The following TRIM55 variants were observed in gnomAD, a reference collection of about 807,000 sequenced individuals.
TRIM55 encodes tripartite motif containing 55, also known as tripartite motif-containing protein 55.
TRIM55 carries 50 observed loss-of-function variants against 60.9 expected under a neutral mutation model. The ratio of observed to expected loss-of-function variants is 0.82; its 90% CI spans 0.65 to 1.04. The LOEUF (loss-of-function observed/expected upper bound fraction) is 1.04, where lower values mean the gene tolerates loss of function less well. Ranked by LOEUF, TRIM55 falls within the 50% of genes least tolerant of loss-of-function variation. The pLI is 0.00. For synonymous variants in TRIM55, 237 were observed against 238.1 expected (o/e 1.00, Z 0.04); for missense variants, 681 against 666.9 (o/e 1.02, Z -0.23).
the TRIM55 span, among the ~76,000 whole-genome samples, chr8:66,121,268 C>T: frequency 1.4e-4 from 22 of 152,226 alleles, 1 homozygote; most frequent in Admixed American, 1.0e-3. Flanking sequence ...TCTTAACATA[C>T]TCCAGCCCCA....
intron 4 of TRIM55, among the ~76,000 whole-genome samples, chr8:66,140,414 C>T (rs149148811): frequency 2.6e-5 from 4 of 152,204 alleles, no homozygotes; most frequent in Non-Finnish European, 4.4e-5. Context: ...GAATATGACT[C>T]ACATGAGCAT....
chr8:66,114,231 G>C, the TRIM55 span, among the ~76,000 whole-genome samples: 1 of 152,170 alleles, frequency 6.6e-6, no homozygotes, highest in Admixed American at 6.5e-5. Context: ...TAGCATGCGA[G>C]AGGTAGCGGG....
At chr8:66,152,674 C>G (rs376781843) in intron 8 of TRIM55, 47 bp downstream of exon 8, 21 of 1,581,194 alleles carry the variant, frequency 1.3e-5, no homozygotes, top group Non-Finnish European at 1.7e-5. Context: ...GGCGTGTCTC[C>G]TTATGGAATA....
At chr8:66,122,784 GA>G (rs957544031), upstream of TRIM55, among the ~76,000 whole-genome samples, 5 of 152,266 alleles carry the variant, frequency 3.3e-5, no homozygotes, top group Admixed American at 3.3e-4. Flanking sequence ...CACTAAAACA[GA>G]GATCTTAAGA....
At chr8:66,136,985 G>C in intron 3 of TRIM55, 110 bp from the exon 4 acceptor site, 1 of 815,168 alleles carries the variant, frequency 1.2e-6, no homozygotes, top group Non-Finnish European at 1.9e-6. Context: ...GTCCTTAGGG[G>C]TTGCATGGAT....
chr8:66,121,575 C>T, the TRIM55 span, among the ~76,000 whole-genome samples: 2 of 152,246 alleles, frequency 1.3e-5, no homozygotes, highest in Non-Finnish European at 2.9e-5. Flanking sequence ...CTGTAACGTG[C>T]TCTTGTAACA....
chr8:66,114,584 C>T, the TRIM55 span: 15 of 456,332 alleles, frequency 3.3e-5, no homozygotes, highest in South Asian at 2.3e-4. Flanking sequence ...GGCTAAGCTG[C>T]CCATAGTTCG....
At chr8:66,114,188 T>A in the TRIM55 span, among the ~76,000 whole-genome samples, 2 of 148,336 alleles carry the variant, frequency 1.3e-5, no homozygotes. Context: ...TGCCCAGCCG[T>A]GGGGGATTAG....
chr8:66,148,053 C>T (rs2128979267), intron 4 of TRIM55, among the ~76,000 whole-genome samples: 1 of 152,204 alleles, frequency 6.6e-6, no homozygotes, highest in African/African-American at 2.4e-5. Context: ...GCTGGATTCC[C>T]AAGAAGCTCT....
intron 4 of TRIM55, among the ~76,000 whole-genome samples, chr8:66,138,576 A>T (rs1809619709): frequency 6.6e-6 from 1 of 152,146 alleles, no homozygotes. Context: ...TTTTTAGTAG[A>T]GGTGGGCTCT....
Position 66,152,465 on chromosome 8 carries a change from G to A in TRIM55, c.1074G>A (p.Glu358=), listed in dbSNP as rs747802233. The change falls in exon 8 of 10, where the codon GAG becomes GAA. Residue 358 remains glutamate, a synonymous_variant. Transcript: ENST00000315962. ...GAGGAGAAGCAGTAGAAGTGGAAGAGGTAGAAAATGTTCAAACAGAGTTTC... is the reference window on the plus strand; with the variant it reads ...GAGGAGAAGCAGTAGAAGTGGAAGAAGTAGAAAATGTTCAAACAGAGTTTC... ...EVGGEAVEVE[E]VENVQTEFPG... 14 of 1,613,988 alleles carry A rather than the reference G, an allele frequency of 8.7e-6. No individual in the cohort carries two copies. The highest frequency in any genetic ancestry group is 8.5e-6 in the Non-Finnish European group (10 of 1,180,006).
At chr8:66,153,937 T>C in intron 8 of TRIM55, 110 bp from the exon 9 acceptor site, 7 of 1,073,234 alleles carry the variant, frequency 6.5e-6, no homozygotes, top group Non-Finnish European at 9.2e-6. Context: ...AGGCACTGCA[T>C]GCAGGGAGCG....
chr8:66,150,196 A>G (rs1250317734), intron 5 of TRIM55, 21 bp from the exon 6 acceptor site: 4 of 1,611,082 alleles, frequency 2.5e-6, no homozygotes, highest in Non-Finnish European at 3.4e-6. Flanking sequence ...AAGTAAGACT[A>G]TCTTTTGTTT....
chr8:66,149,574 G>T, intron 4 of TRIM55, 71 bp from the exon 5 acceptor site: 1 of 1,215,670 alleles, frequency 8.2e-7, no homozygotes, highest in South Asian at 1.3e-5. Context: ...TCTTTCCCAG[G>T]ATAACTAGGT....
At chr8:66,163,364 T>A (rs1238876708) in intron 9 of TRIM55, among the ~76,000 whole-genome samples, 5 of 152,242 alleles carry the variant, frequency 3.3e-5, no homozygotes, top group African/African-American at 9.6e-5. Flanking sequence ...AAAGCTCTGA[T>A]TATTGACATG....
chr8:66,150,135 A>C, intron 5 of TRIM55, 82 bp from the exon 6 acceptor site: 1 of 1,486,486 alleles, frequency 6.7e-7, no homozygotes, highest in Non-Finnish European at 9.2e-7. Flanking sequence ...AGATTCTCAG[A>C]GTCAACAAAG....
intron 9 of TRIM55, 53 bp downstream of exon 9, chr8:66,154,387 C>A (rs114271427): frequency 6.3e-7 from 1 of 1,575,128 alleles, no homozygotes; most frequent in African/African-American, 1.3e-5. Context: ...TAGGGTCCCA[C>A]TGGAACAGGC....
rs1382475211 is a variant in TRIM55 at position 66,174,926 on chromosome 8, C to T, written c.*333C>T. On this transcript the variant is annotated 3_prime_UTR_variant, in exon 10 of 10. Transcript: ENST00000315962. The stretch of plus-strand genomic sequence containing the variant: ...AATGGTGAAAAAAGTGGTCACTATG[C>T]TTTTGTCTCTCATAGGCACTGACTT... The T allele has an allele frequency of 1.2e-5, 2 of 168,034 alleles. No individual in the cohort carries two copies. The highest frequency in any genetic ancestry group is 2.6e-5 in the Non-Finnish European group (2 of 78,220). The allele number at this position is 168,034 out of a possible 1,614,324, so 10.4% of individuals were successfully genotyped here.
At chr8:66,136,057 A>T (rs1242257081) in intron 3 of TRIM55, among the ~76,000 whole-genome samples, 1 of 152,262 alleles carries the variant, frequency 6.6e-6, no homozygotes, top group Non-Finnish European at 1.5e-5. Flanking sequence ...AACACCAATT[A>T]CAGCTAGTGG....
Sources: gnomAD v4.1 joint callset for allele counts (sites outside exome capture counted in the v4.1 genomes callset) on GRCh38, gnomAD v4.1.1 for gene constraint, MANE v1.5 for transcripts, NCBI Gene and HGNC (gene_info 2026-07-23, HGNC 2026-07-21) for gene names.